The following UBA6 variants were observed in gnomAD, a reference collection of about 807,000 sequenced individuals.
UBA6 encodes ubiquitin like modifier activating enzyme 6, also known as ubiquitin-like modifier-activating enzyme 6.
UBA6 carries 87 observed loss-of-function variants against 148.3 expected under a neutral mutation model. That is an observed-to-expected ratio of 0.59 (90% CI 0.49 to 0.70). The LOEUF is 0.70. UBA6 is among the 30% of genes least tolerant of loss of function. The probability of loss-of-function intolerance (pLI) is 0.00; values close to 1 mark genes in which losing one functional copy is unlikely to be tolerated. For synonymous variants in UBA6, 376 were observed against 401.0 expected, an observed-to-expected ratio of 0.94 and a Z score of 0.75; for missense variants, 1,186 against 1,241.2, an observed-to-expected ratio of 0.96 and a Z score of 0.67.
Position 67,622,900 on chromosome 4 carries a change from A to G in UBA6, c.2954T>C (p.Met985Thr). The change falls in exon 32 of 33, where the codon ATG becomes ACG. Residue 985 changes from methionine (M) to threonine (T), a missense_variant. Met to Thr is a moderately conservative substitution (Grantham distance 81, BLOSUM62 -1). Coordinates refer to ENST00000322244, the MANE Select transcript of UBA6 (RefSeq NM_018227.6). Reference sequence around the variant, plus strand: ...AAGCATTTTGACTCCCTGTACCACCATTGTTGGCTCAATTCCATACTTCTC... The same window carrying G: ...AAGCATTTTGACTCCCTGTACCACCGTTGTTGGCTCAATTCCATACTTCTC... ...VKEKYGIEPT[M>T]VVQGVKMLYV... is the part of the protein sequence containing the mutation. 1 of 1,612,534 alleles carries G rather than the reference A, an allele frequency of 6.2e-7. No individual in the cohort carries two copies. Among genetic ancestry groups the G allele is most frequent in the Non-Finnish European group, 8.5e-7 (1 of 1,179,398 alleles).
intron 7 of UBA6, among the ~76,000 whole-genome samples, chr4:67,671,717 A>G (rs1392392333): frequency 1.3e-5 from 2 of 152,300 alleles, no homozygotes; most frequent in East Asian, 1.9e-4. Context: ...ATCATAAATT[A>G]TGATTTTGCC....
intron 13 of UBA6, among the ~76,000 whole-genome samples, chr4:67,659,427 G>A (rs1437825615): frequency 1.3e-5 from 2 of 151,944 alleles, no homozygotes; most frequent in African/African-American, 4.8e-5. Context: ...CACGAGATCT[G>A]ACAGTTTTAT....
chr4:67,643,365 A>C (rs1327135389), intron 17 of UBA6, among the ~76,000 whole-genome samples: 1 of 151,942 alleles, frequency 6.6e-6, no homozygotes, highest in Non-Finnish European at 1.5e-5. Flanking sequence ...ATGAAGGCTG[A>C]CTTTTTCTGC....
intron 2 of UBA6, among the ~76,000 whole-genome samples, chr4:67,690,607 T>A (rs1463067265): frequency 6.6e-6 from 1 of 152,102 alleles, no homozygotes; most frequent in Non-Finnish European, 1.5e-5. Flanking sequence ...ACCCCTGAAC[T>A]GACCCAATTT....
chr4:67,621,340 T>TA (rs921989185), intron 32 of UBA6, among the ~76,000 whole-genome samples: 2 of 152,250 alleles, frequency 1.3e-5, no homozygotes, highest in Non-Finnish European at 2.9e-5. Context: ...ATAGATACGT[T>TA]AAACACAACC....
chr4:67,616,228 T>A lies in UBA6; in HGVS notation c.*2769A>T. 1 of 395,196 alleles carries A rather than the reference T, an allele frequency of 2.5e-6. No individual in the cohort carries two copies. The highest frequency in any genetic ancestry group is 6.4e-4 in the Middle Eastern group (1 of 1,566). 24.5% of individuals were successfully genotyped at this position (395,196 alleles called of 1,614,324 possible). The stretch of plus-strand genomic sequence containing the variant: ...ATCTATGAAAAGTAAAATCGCTAAA[T>A]CCATACACAGTGATTATATAAAATT... On this transcript the variant is annotated 3_prime_UTR_variant, in exon 33 of 33. Transcript: ENST00000322244.
Position 67,619,028 on chromosome 4 carries a change from A to G in UBA6, c.3128T>C (p.Val1043Ala). Residue 1043 changes from valine (V) to alanine (A), a missense_variant, in exon 33 of 33, where the codon GTA becomes GCA. By Grantham distance (64) the Val-to-Ala change is moderately conservative (BLOSUM62 0). Coordinates refer to ENST00000322244, the MANE Select transcript of UBA6 (RefSeq NM_018227.6). ...DGDEDLPGPP[V>A]RYYFSHDTD ...AGTGTCATGACTGAAGTAGTATCTTACTGGAGGTCCCGGCAAATCTTCATC... is the reference window on the plus strand; with the variant it reads ...AGTGTCATGACTGAAGTAGTATCTTGCTGGAGGTCCCGGCAAATCTTCATC... The G allele has an allele frequency of 1.2e-6, 2 of 1,614,030 alleles. No individual in the cohort carries two copies. Among genetic ancestry groups the G allele is most frequent in the Non-Finnish European group, 1.7e-6 (2 of 1,179,924 alleles).
In UBA6 at chr4:67,615,488, T is replaced by A. The variant is rs1728607587; in HGVS notation, c.*3509A>T. ...CAACATACTAATGCTTAGAAAAAAA[T>A]TTGTAATCATCTAATAAAATTTAAG... On this transcript the variant is annotated 3_prime_UTR_variant, in exon 33 of 33. Transcript: ENST00000322244. 6.6e-6 allele frequency: 1 copy of A among 152,144 alleles called. No individual in the cohort carries two copies. The highest frequency in any genetic ancestry group is 2.4e-5 in the African/African-American group (1 of 41,444). 9.4% of individuals were successfully genotyped at this position (152,144 alleles called of 1,614,324 possible). A position where few individuals can be genotyped will look rare whatever the true frequency, so the allele number is the denominator to read the frequency against.
At chr4:67,663,567 G>A (rs1191235108) in intron 11 of UBA6, 2 of 386,630 alleles carry the variant, frequency 5.2e-6, no homozygotes, top group Non-Finnish European at 9.2e-6. Context: ...GTATAAAATG[G>A]TACGATTCAG....
At chr4:67,640,691 A>C (rs1272959871) in intron 18 of UBA6, among the ~76,000 whole-genome samples, 1 of 152,194 alleles carries the variant, frequency 6.6e-6, no homozygotes, top group Non-Finnish European at 1.5e-5. Context: ...GATTTATATA[A>C]AAAAGGAGAA....
chr4:67,663,188 G>A lies in UBA6; in HGVS notation c.988C>T (p.Leu330Phe). ...TTCTCCTGAAACTGGTCCAAGGCAA[G>A]CATAGCTGTGTGAATCTCTAAAGGT... ...EAPLEIHTAM[L>F]ALDQFQEKYS... is the part of the protein sequence containing the mutation. The change falls in exon 12 of 33, where the codon CTT becomes TTT. Residue 330 changes from leucine (L) to phenylalanine (F), a missense_variant. Leu to Phe is a conservative substitution (Grantham distance 22). Transcript: ENST00000322244. The A allele has an allele frequency of 6.2e-7, 1 of 1,611,524 alleles. No homozygotes were observed. The highest frequency in any genetic ancestry group is 8.5e-7 in the Non-Finnish European group (1 of 1,179,052).
intron 1 of UBA6, among the ~76,000 whole-genome samples, chr4:67,698,425 T>C (rs564203035): frequency 2.0e-5 from 3 of 152,352 alleles, no homozygotes; most frequent in African/African-American, 7.2e-5. Context: ...TTAAGTGCTT[T>C]AGATGTACTT....
At chr4:67,653,843 T>G (rs1354505711) in intron 13 of UBA6, among the ~76,000 whole-genome samples, 1 of 152,190 alleles carries the variant, frequency 6.6e-6, no homozygotes, top group African/African-American at 2.4e-5. Context: ...AGACCTTAAA[T>G]GACCTGATGG....
At chr4:67,619,764 C>G (rs540350282) in intron 32 of UBA6, among the ~76,000 whole-genome samples, 173 of 152,312 alleles carry the variant, frequency 1.1e-3, no homozygotes, top group African/African-American at 3.9e-3. Flanking sequence ...AAAAGACATT[C>G]TTAGCTTTTT....
intron 27 of UBA6, among the ~76,000 whole-genome samples, chr4:67,628,056 G>A (rs962215362): frequency 2.0e-5 from 3 of 149,770 alleles, no homozygotes; most frequent in Non-Finnish European, 4.4e-5. Flanking sequence ...CTGGAGAAAA[G>A]ATCATTACCC....
chr4:67,650,530 A>T (rs567835759), intron 13 of UBA6, among the ~76,000 whole-genome samples: 33 of 152,320 alleles, frequency 2.2e-4, no homozygotes, highest in African/African-American at 7.7e-4. Flanking sequence ...AAACATATGC[A>T]TAATCACAAG....
intron 20 of UBA6, among the ~76,000 whole-genome samples, chr4:67,635,101 TCA>T (rs1729105344): frequency 6.6e-6 from 1 of 152,102 alleles, no homozygotes; most frequent in Non-Finnish European, 1.5e-5. Context: ...CTAAAATGAC[TCA>T]CTTTGTCTCA....
intron 2 of UBA6, among the ~76,000 whole-genome samples, chr4:67,691,320 G>A (rs1418404931): frequency 3.3e-5 from 5 of 152,146 alleles, no homozygotes; most frequent in Admixed American, 1.3e-4. Context: ...GACCATAGAT[G>A]TCGCCATTTG....
At chr4:67,655,479 C>A (rs1224341626) in intron 13 of UBA6, among the ~76,000 whole-genome samples, 1 of 152,164 alleles carries the variant, frequency 6.6e-6, no homozygotes, top group Non-Finnish European at 1.5e-5. Flanking sequence ...TAAAGATGTT[C>A]TTTGAAACCA....
Sources: allele counts gnomAD v4.1 joint callset (sites outside exome capture counted in the v4.1 genomes callset), GRCh38; gene constraint gnomAD v4.1.1; transcripts MANE v1.5; gene names NCBI Gene and HGNC (gene_info 2026-07-23, HGNC 2026-07-21).